STIP1: variants seen among roughly 807,000 people sequenced by gnomAD.
The protein encoded by STIP1 is stress induced phosphoprotein 1.
STIP1 carries 16 observed loss-of-function variants against 77.4 expected under a neutral mutation model. The ratio of observed to expected loss-of-function variants is 0.21; its 90% CI spans 0.14 to 0.31. The LOEUF (loss-of-function observed/expected upper bound fraction) is 0.31, where lower values mean the gene tolerates loss of function less well. Ranked by LOEUF, STIP1 falls within the 10% of genes least tolerant of loss-of-function variation. STIP1 has a pLI of 1.00. For synonymous variants in STIP1, 258 were observed against 246.6 expected (o/e 1.05, Z -0.44); for missense variants, 524 against 684.8 (o/e 0.77, Z 2.62).
intron 10 of STIP1, 115 bp from the exon 11 acceptor site, chr11:64,202,758 TGTC>T: frequency 9.2e-7 from 1 of 1,092,600 alleles, no homozygotes; most frequent in Non-Finnish European, 1.4e-6. Flanking sequence ...TTCCTGATGT[TGTC>T]CCCTCTGTTT....
rs1946202520 is a variant in STIP1 at position 64,200,254 on chromosome 11, C to G, written c.1206C>G (p.Ala402=). Residue 402 remains alanine (A), a synonymous_variant, in exon 10 of 14, where the codon GCC becomes GCG. Coordinates refer to ENST00000305218, the MANE Select transcript of STIP1 (RefSeq NM_006819.3). ...KDAKLYSNRA[A]CYTKLLEFQL... is the part of the protein sequence containing the mutation. ...CCAAATTATACAGCAATCGAGCTGC[C>G]TGCTACACCAAACTCCTGGAGTTCC... 6.2e-7 allele frequency: 1 copy of G among 1,614,076 alleles called. No individual in the cohort carries two copies. The highest frequency in any genetic ancestry group is 8.5e-7 in the Non-Finnish European group (1 of 1,180,002).
Position 64,203,963 on chromosome 11 carries a change from T to C in STIP1, c.1560-91T>C, listed in dbSNP as rs572641082. ...CCAGGACCCCTCCCTGCCGGGGCCT[T>C]CTGTAGAGGGGGTTGAATTGGGGCT... On this transcript the variant is annotated intron_variant, in intron 13 of 13. Coordinates refer to ENST00000305218, the MANE Select transcript of STIP1 (RefSeq NM_006819.3). The C allele has an allele frequency of 8.7e-6, 13 of 1,486,296 alleles. No individual in the cohort carries two copies. In the East Asian group the frequency reaches 2.7e-4, roughly 31 times the overall value. The allele number at this position is 1,486,296 out of a possible 1,614,324, so 92.1% of individuals were successfully genotyped here.
rs773458180 is a variant in STIP1 at position 64,200,314 on chromosome 11, G to A, written c.1245+21G>A. The A allele has an allele frequency of 3.6e-5, 57 of 1,591,088 alleles. 1 individual carries two copies. The South Asian group carries it at 5.5e-4, about 15-fold the overall frequency. ...TCAAGGTGACGAGACCTGTGGGGGC[G>A]GCCATTACTGAAAGCCTGCACATGA... On this transcript the variant is annotated intron_variant, in intron 10 of 13. Transcript: ENST00000305218.
intron 8 of STIP1, among the ~76,000 whole-genome samples, chr11:64,198,878 T>C (rs1209103441): frequency 6.6e-6 from 1 of 152,056 alleles, no homozygotes; most frequent in Non-Finnish European, 1.5e-5. Flanking sequence ...TTGACTATTT[T>C]ATAAAGACTG....
rs1263724701 is a variant in STIP1 at position 64,200,053 on chromosome 11, G to A, written c.1120+17G>A. The A allele has an allele frequency of 6.2e-7, 1 of 1,614,190 alleles. No individual in the cohort carries two copies. The highest frequency in any genetic ancestry group is 1.1e-5 in the South Asian group (1 of 91,082). On this transcript the variant is annotated intron_variant, in intron 9 of 13. Transcript: ENST00000305218. ...TTCAGAAAGGTACTGCCTGCAGCTG[G>A]GGGATTGGGGGAGCAGTGCTGGGTG...
upstream of STIP1, chr11:64,185,778 A>T: frequency 6.5e-7 from 1 of 1,531,842 alleles, no homozygotes; most frequent in African/African-American, 1.4e-5. Flanking sequence ...AGAGTTGGCA[A>T]CCCTCCGCCC....
intron 11 of STIP1, 46 bp downstream of exon 11, chr11:64,202,958 T>C (rs1403357883): frequency 1.2e-6 from 2 of 1,613,858 alleles, no homozygotes; most frequent in African/African-American, 1.3e-5. Flanking sequence ...GCCAAAAGAT[T>C]AGAGAAGGAA....
chr11:64,202,654 A>G, intron 10 of STIP1: 1 of 583,458 alleles, frequency 1.7e-6, no homozygotes, highest in East Asian at 2.8e-5. Flanking sequence ...TCAAACTGGA[A>G]TTGTCCCCCG....
At chr11:64,189,433 A>G (rs565168255) in intron 1 of STIP1, among the ~76,000 whole-genome samples, 1 of 152,300 alleles carries the variant, frequency 6.6e-6, no homozygotes, top group African/African-American at 2.4e-5. Flanking sequence ...AGGCTGAGGC[A>G]GGACAATTGC....
chr11:64,189,276 G>T (rs537197040), intron 1 of STIP1, among the ~76,000 whole-genome samples: 1 of 152,154 alleles, frequency 6.6e-6, no homozygotes, highest in Non-Finnish European at 1.5e-5. Flanking sequence ...CAGGAGAATC[G>T]CTTGAACCCG....
At chr11:64,203,702 T>TA in intron 13 of STIP1, 80 bp downstream of exon 13, 2 of 1,565,456 alleles carry the variant, frequency 1.3e-6, no homozygotes, top group Non-Finnish European at 1.7e-6. Context: ...TGGGGGGTGG[T>TA]ATGCTCAGTC....
rs1367674756 is a variant in STIP1, at chr11:64,203,048, T to C, written c.1283-77T>C. On this transcript the variant is annotated intron_variant, in intron 11 of 13. Coordinates refer to ENST00000305218, the MANE Select transcript of STIP1 (RefSeq NM_006819.3). ...CAACATCAGCAGGTGTGAACAGTGT[T>C]GGTGTGCAGGTGAAGAGGTGCAAGG... The C allele has an allele frequency of 3.8e-6, 6 of 1,595,408 alleles. No individual in the cohort carries two copies. The African/African-American group carries it at 8.0e-5, about 21-fold the overall frequency.
At chr11:64,200,318 A>G (rs1412229068) in intron 10 of STIP1, 25 bp downstream of exon 10, 3 of 1,590,418 alleles carry the variant, frequency 1.9e-6, no homozygotes, top group Middle Eastern at 3.4e-4. Flanking sequence ...GGGGGCGGCC[A>G]TTACTGAAAG....
rs1279518970 is a variant in STIP1 at position 64,204,228 on chromosome 11, T to G, written c.*102T>G. 1.7e-6 allele frequency: 2 copies of G among 1,159,772 alleles called. No individual in the cohort carries two copies. Among genetic ancestry groups the G allele is most frequent in the African/African-American group, 3.1e-5 (2 of 64,634 alleles). The allele number at this position is 1,159,772 out of a possible 1,614,324, so 71.8% of individuals were successfully genotyped here. A position where few individuals can be genotyped will look rare whatever the true frequency, so the allele number is the denominator to read the frequency against. On this transcript the variant is annotated 3_prime_UTR_variant, in exon 14 of 14. Coordinates refer to ENST00000305218, the MANE Select transcript of STIP1 (RefSeq NM_006819.3). The stretch of plus-strand genomic sequence containing the variant: ...AAGGGAGAGCAGGGGAGAGAAGGCC[T>G]CATCTCTCTATATTTATACATAACC...
chr11:64,200,350 TTC>T, intron 10 of STIP1, 57 bp downstream of exon 10: 10 of 1,556,554 alleles, frequency 6.4e-6, no homozygotes, highest in South Asian at 4.9e-5. Flanking sequence ...GGAGTGGGTT[TTC>T]TCTCTCTCTC....
chr11:64,198,338 G>A (rs1335189389), intron 8 of STIP1, among the ~76,000 whole-genome samples: 6 of 151,888 alleles, frequency 4.0e-5, no homozygotes, highest in Admixed American at 2.0e-4. Flanking sequence ...TCAGCCTCCC[G>A]AATTGCTAAG....
chr11:64,198,017 AATTGAGCC>A, intron 8 of STIP1, 43 bp downstream of exon 8: 4 of 1,574,814 alleles, frequency 2.5e-6, no homozygotes, highest in Non-Finnish European at 3.4e-6. Flanking sequence ...TTTTCCTAAT[AATTGAGCC>A]ATTGTTTCTT....
At chr11:64,198,753 G>GTTTTTTTTTTTTTTTTTTTTTGTT (rs371481270) in intron 8 of STIP1, among the ~76,000 whole-genome samples, 1 of 111,060 alleles carries the variant, frequency 9.0e-6, no homozygotes, top group Non-Finnish European at 1.8e-5. Context: ...TTTTTTTGTG[G>GTTTTTTTTTTTTTTTTTTTTTGTT]TTTTTTTTTT....
rs546345300 is a variant in STIP1 at position 64,187,374 on chromosome 11, G to A, written c.9+1104G>A. 2.6e-3 allele frequency among the ~76,000 whole-genome samples: 402 copies of A among 151,884 alleles called. 1 individual carries two copies. The highest frequency in any genetic ancestry group is 0.01 in the South Asian group (48 of 4,792). On this transcript the variant is annotated intron_variant, in intron 1 of 13. Coordinates refer to ENST00000305218, the MANE Select transcript of STIP1 (RefSeq NM_006819.3). ...TCGCTCCGGGCCCATAACACTTGGG[G>A]GTGACAATTCTGAAACTATACCTGG...
Sources: allele counts gnomAD v4.1 joint callset (sites outside exome capture counted in the v4.1 genomes callset), GRCh38; gene constraint gnomAD v4.1.1; transcripts MANE v1.5; gene names NCBI Gene and HGNC (gene_info 2026-07-23, HGNC 2026-07-21).